Variants in BCAR1 observed in about 807,000 individuals in gnomAD.
BCAR1 encodes breast cancer anti-estrogen resistance protein 1.
Under a neutral mutation model 67.6 loss-of-function variants are expected in BCAR1, and 30 were observed. The observed-to-expected ratio is 0.44, with a 90% CI of 0.33 to 0.60. The LOEUF is 0.60. BCAR1 is among the 20% of genes least tolerant of loss of function. BCAR1 has a pLI of 0.02. For missense variants in BCAR1, 1,313 were observed against 1,222.3 expected (o/e 1.07, Z -1.11); for synonymous variants, 626 against 556.7 (o/e 1.12, Z -1.75).
chr16:75,263,354 C>T (rs2077945176), intron 1 of BCAR1: 1 of 985,308 alleles, frequency 1.0e-6, no homozygotes. Context: ...CCAAATGTGT[C>T]CTCTCAGCTG....
At chr16:75,264,275 G>A (rs2077960504) in intron 1 of BCAR1, 1 of 1,373,916 alleles carries the variant, frequency 7.3e-7, no homozygotes, top group Non-Finnish European at 9.4e-7. Flanking sequence ...ATCAAACGGG[G>A]ACCTCCCCAT....
chr16:75,264,712 G>A, intron 1 of BCAR1: 1 of 1,188,146 alleles, frequency 8.4e-7, no homozygotes, highest in Non-Finnish European at 1.1e-6. Context: ...ACTCACTCTG[G>A]GATAGTTAAT....
chr16:75,244,792 C>T lies in BCAR1; in HGVS notation c.13-1702G>A, dbSNP rs895906018. Among the ~76,000 whole-genome samples, 6 of 152,260 alleles carry T rather than the reference C, an allele frequency of 3.9e-5. No individual in the cohort carries two copies. The East Asian group carries it at 5.8e-4, about 15-fold the overall frequency. On this transcript the variant is annotated intron_variant, in intron 1 of 6. Transcript: ENST00000162330. Reference sequence around the variant, plus strand: ...GCCAAGGTGAGCACAAGGGCAGAGGCCCTGGATGGCTGCAACACTGTCCAC... The same window carrying T: ...GCCAAGGTGAGCACAAGGGCAGAGGTCCTGGATGGCTGCAACACTGTCCAC...
rs79712650 is a variant in BCAR1, at chr16:75,266,550, T to G, written c.66+1365A>C. Among the ~76,000 whole-genome samples the G allele has an allele frequency of 4.5e-3, 687 of 152,298 alleles. 6 individuals carry two copies. Among genetic ancestry groups the G allele is most frequent in the African/African-American group, 0.015 (641 of 41,570 alleles). On this transcript the variant is annotated intron_variant, in intron 1 of 6. Transcript: ENST00000393422. ...GGCCTGAGACTTCCTTTCCCCAGGC[T>G]AAACACCCCCAATTTCAGCTGTTTC...
chr16:75,262,896 G>A (rs2077936402), intron 1 of BCAR1, among the ~76,000 whole-genome samples: 1 of 152,298 alleles, frequency 6.6e-6, no homozygotes, highest in Admixed American at 6.5e-5. Flanking sequence ...TCTTCGGGAA[G>A]CCACAGGTAG....
intron 2 of BCAR1, chr16:75,238,895 C>T (rs1295824375): frequency 4.6e-5 from 45 of 985,266 alleles, no homozygotes; most frequent in Non-Finnish European, 5.2e-5. Context: ...CTCCCAAAGG[C>T]AGGTGGGGAC....
At chr16:75,236,502 T>C (rs1298117303) in intron 4 of BCAR1, 3 of 356,466 alleles carry the variant, frequency 8.4e-6, no homozygotes, top group Non-Finnish European at 1.0e-5. Flanking sequence ...CTGAGCTCTG[T>C]GTGTATTATC....
chr16:75,247,758 A>C (rs575143112), intron 1 of BCAR1: 2 of 442,564 alleles, frequency 4.5e-6, no homozygotes, highest in African/African-American at 4.0e-5. Flanking sequence ...GCTGACCAAA[A>C]CCCTCTCTGC....
chr16:75,264,176 C>A (rs1367952232), intron 1 of BCAR1: 6 of 1,325,200 alleles, frequency 4.5e-6, no homozygotes, highest in Non-Finnish European at 5.8e-6. Flanking sequence ...CCAAAGAAGG[C>A]TGCCCAAAGT....
chr16:75,243,040 C>G lies in BCAR1; in HGVS notation c.63G>C (p.Glu21Asp). ...LYDNVAESPD[E>D]LSFRKGDIMT... is the part of the protein sequence containing the mutation. ...TGATGTCACCCTTGCGGAAGGAGAGCTCATCCGGGGACTCGGCCACATTGT... is the reference window on the plus strand; with the variant it reads ...TGATGTCACCCTTGCGGAAGGAGAGGTCATCCGGGGACTCGGCCACATTGT... Residue 21 changes from glutamate to aspartate, a missense_variant, in exon 2 of 7, where the codon GAG (glutamate) becomes GAC (aspartate). Physicochemically the swap from Glu to Asp is conservative, Grantham distance 45. Transcript: ENST00000162330. 6.2e-7 allele frequency: 1 copy of G among 1,609,800 alleles called. No homozygotes were observed. Among genetic ancestry groups the G allele is most frequent in the Non-Finnish European group, 8.5e-7 (1 of 1,176,920 alleles).
At chr16:75,236,615 A>C in intron 4 of BCAR1, 1 of 532,956 alleles carries the variant, frequency 1.9e-6, no homozygotes. Context: ...CCCAGGTGAG[A>C]TGACACATCC....
At chr16:75,260,907 T>C (rs900352466) in intron 1 of BCAR1, among the ~76,000 whole-genome samples, 2 of 152,170 alleles carry the variant, frequency 1.3e-5, no homozygotes, top group African/African-American at 4.8e-5. Flanking sequence ...TCCCCATACA[T>C]TACATAATTC....
intron 5 of BCAR1, among the ~76,000 whole-genome samples, chr16:75,234,378 C>T (rs1428969241): frequency 6.6e-6 from 1 of 152,194 alleles, no homozygotes; most frequent in Non-Finnish European, 1.5e-5. Context: ...CTCCACCCTG[C>T]CTTCCCAGGC....
At chr16:75,234,768 A>T (rs1265590739) in intron 5 of BCAR1, 121 bp downstream of exon 5, 1 of 1,423,338 alleles carries the variant, frequency 7.0e-7, no homozygotes, top group African/African-American at 1.4e-5. Flanking sequence ...AGGGAGGTCA[A>T]AGTGAGAGGA....
intron 3 of BCAR1, 29 bp downstream of exon 3, chr16:75,237,154 C>T (rs753415532): frequency 4.0e-6 from 6 of 1,493,404 alleles, no homozygotes; most frequent in African/African-American, 2.8e-5. Flanking sequence ...GCCGCCCTGC[C>T]CTCCCACCGC....
At chr16:75,246,965 G>C (rs965236553) in intron 1 of BCAR1, 2 of 152,322 alleles carry the variant, frequency 1.3e-5, no homozygotes, top group Admixed American at 1.3e-4. Context: ...CTGTGTCCAA[G>C]GCGCAGTGGA....
rs967368788 is a variant in BCAR1 at position 75,239,142 on chromosome 16, G to A, written c.634-1798C>T. The A allele has an allele frequency of 8.2e-5, 80 of 978,436 alleles. No homozygotes were observed. The African/African-American group carries it at 1.2e-3, about 15-fold the overall frequency. The allele number at this position is 978,436 out of a possible 1,614,324, so 60.6% of individuals were successfully genotyped here. On this transcript the variant is annotated intron_variant, in intron 2 of 6. Coordinates refer to ENST00000162330, the MANE Select transcript of BCAR1 (RefSeq NM_014567.5). The stretch of plus-strand genomic sequence containing the variant: ...AAAAACAGAGCAACGCAGCCACCAG[G>A]GGGAAAAGCTCTTTAGGGGAATGAC...
rs201458051 is a variant in BCAR1, at chr16:75,242,916, A to C, written c.187T>G (p.Leu63Val). ...GGCTTCTTATCATACATGCCCACCAAGATCTTGAGGCGGTTCCCAGGCACG... is the reference window on the plus strand; with the variant it reads ...GGCTTCTTATCATACATGCCCACCACGATCTTGAGGCGGTTCCCAGGCACG... ...GIVPGNRLKI[L>V]VGMYDKKPAG... Residue 63 changes from leucine to valine, a missense_variant, in exon 2 of 7, where the codon TTG (leucine) becomes GTG (valine). Physicochemically the swap from Leu to Val is conservative, Grantham distance 32 (BLOSUM62 1). Transcript: ENST00000162330. The C allele has an allele frequency of 3.7e-6, 6 of 1,612,500 alleles. No homozygotes were observed. Among genetic ancestry groups the C allele is most frequent in the African/African-American group, 2.7e-5 (2 of 74,906 alleles).
chr16:75,231,657 C>G (rs539881582), intron 6 of BCAR1, among the ~76,000 whole-genome samples: 23 of 152,334 alleles, frequency 1.5e-4, no homozygotes, highest in African/African-American at 5.5e-4. Flanking sequence ...AGCAAGTTAT[C>G]TAAGTGATTC....
Sources: allele counts gnomAD v4.1 joint callset (sites outside exome capture counted in the v4.1 genomes callset), GRCh38; gene constraint gnomAD v4.1.1; transcripts MANE v1.5; gene names NCBI Gene and HGNC (gene_info 2026-07-23, HGNC 2026-07-21).